The following C10orf143 variants were observed in gnomAD, a reference collection of about 807,000 sequenced individuals.
C10orf143 encodes the protein uncharacterized protein C10orf143.
chr10:130,047,176 A>G (rs1213671674), intron 3 of C10orf143, among the ~76,000 whole-genome samples: 1 of 152,204 alleles, frequency 6.6e-6, no homozygotes, highest in Non-Finnish European at 1.5e-5. Flanking sequence ...TGGCGGATGC[A>G]CTGGGTGCAT....
intron 1 of C10orf143, among the ~76,000 whole-genome samples, chr10:130,091,572 G>A (rs1008325052): frequency 6.6e-6 from 1 of 152,322 alleles, no homozygotes; most frequent in South Asian, 2.1e-4. Context: ...TGAGTTTGAT[G>A]AGTCAACAGA....
chr10:130,097,015 C>T (rs1003100), intron 1 of C10orf143, among the ~76,000 whole-genome samples: 86,261 of 149,314 alleles, frequency 0.58, 26,291 homozygotes, highest in Admixed American at 0.7. Flanking sequence ...GGCTGGAGTG[C>T]AGTGGCGTGA....
In C10orf143 at chr10:130,064,263, C is replaced by T; in HGVS notation, c.*91G>A. On this transcript the variant is annotated 3_prime_UTR_variant, in exon 4 of 4. Coordinates refer to ENST00000637128, the MANE Select transcript of C10orf143 (RefSeq NM_001355042.2). Reference sequence around the variant, plus strand: ...CGGGCTGCTATTTGAACAGGTAAGTCCCCAAACCCATCTGTAGGAGATTCA... The same window carrying T: ...CGGGCTGCTATTTGAACAGGTAAGTTCCCAAACCCATCTGTAGGAGATTCA... 2.5e-6 allele frequency: 1 copy of T among 397,520 alleles called. No homozygotes were observed. Among genetic ancestry groups the T allele is most frequent in the Non-Finnish European group, 4.4e-6 (1 of 225,454 alleles). 24.6% of individuals were successfully genotyped at this position (397,520 alleles called of 1,614,324 possible).
intron 1 of C10orf143, chr10:130,104,681 C>T (rs576089642): frequency 1.2e-4 from 18 of 152,270 alleles, no homozygotes; most frequent in African/African-American, 4.1e-4. Context: ...TACACCATGC[C>T]AATAAGATAC....
At chr10:130,093,287 A>C (rs1323843209) in intron 1 of C10orf143, among the ~76,000 whole-genome samples, 2 of 152,234 alleles carry the variant, frequency 1.3e-5, no homozygotes, top group Admixed American at 1.3e-4. Context: ...ACTACATGGA[A>C]ACTGAACAAC....
intron 3 of C10orf143, among the ~76,000 whole-genome samples, chr10:130,037,892 A>G (rs193206212): frequency 1.2e-4 from 19 of 152,292 alleles, no homozygotes; most frequent in Admixed American, 3.9e-4. Context: ...ATATTGCGGC[A>G]GGTTAGAAGT....
intron 1 of C10orf143, among the ~76,000 whole-genome samples, chr10:130,105,556 C>T (rs2134817439): frequency 6.6e-6 from 1 of 152,122 alleles, no homozygotes; most frequent in African/African-American, 2.4e-5. Flanking sequence ...CATGGTGAAA[C>T]CTCATCTCTA....
chr10:130,052,229 G>A (rs960229011), intron 3 of C10orf143, among the ~76,000 whole-genome samples: 1 of 151,800 alleles, frequency 6.6e-6, no homozygotes, highest in South Asian at 2.1e-4. Context: ...GAACCTGGAC[G>A]GGAGCCCGAT....
chr10:130,041,192 G>A (rs1234014259), intron 3 of C10orf143, among the ~76,000 whole-genome samples: 10 of 152,244 alleles, frequency 6.6e-5, no homozygotes, highest in African/African-American at 2.4e-4. Flanking sequence ...GCAAAGCAGC[G>A]AGCACCTAAA....
rs887439333 is a variant in C10orf143 at position 130,079,895 on chromosome 10, C to T, written c.76G>A (p.Val26Ile). Residue 26 changes from valine to isoleucine, a missense_variant, in exon 2 of 4, where the codon GTA becomes ATA. By Grantham distance (29) the Val-to-Ile change is conservative. Coordinates refer to ENST00000637128, the MANE Select transcript of C10orf143 (RefSeq NM_001355042.2). ...DLQVPGDVKR[V>I]CRRLEASGHE... Reference sequence around the variant, plus strand: ...CCACTGGCTTCTAATCTCCTGCATACCCGTTTCTGAAACAAACAAAATTTT... The same window carrying T: ...CCACTGGCTTCTAATCTCCTGCATATCCGTTTCTGAAACAAACAAAATTTT... The T allele has an allele frequency of 4.3e-5, 17 of 398,516 alleles. No homozygotes were observed. Among genetic ancestry groups the T allele is most frequent in the African/African-American group, 3.1e-4 (15 of 48,622 alleles). 24.7% of individuals were successfully genotyped at this position (398,516 alleles called of 1,614,324 possible). A position where few individuals can be genotyped will look rare whatever the true frequency, so the allele number is the denominator to read the frequency against.
chr10:130,060,714 T>G (rs1020872592), downstream of C10orf143, among the ~76,000 whole-genome samples: 1 of 148,092 alleles, frequency 6.8e-6, no homozygotes, highest in Non-Finnish European at 1.5e-5. Flanking sequence ...GTCCCAGCTA[T>G]CGGGAGGCTG....
intron 1 of C10orf143, among the ~76,000 whole-genome samples, chr10:130,101,879 A>C (rs1246933620): frequency 2.7e-5 from 4 of 149,198 alleles, no homozygotes; most frequent in East Asian, 4.0e-4. Flanking sequence ...AAAAAAAAAA[A>C]AAAAAACTTT....
intron 3 of C10orf143, among the ~76,000 whole-genome samples, chr10:130,077,584 C>T (rs371773414): frequency 9.2e-5 from 14 of 152,334 alleles, no homozygotes; most frequent in Non-Finnish European, 1.9e-4. Context: ...CACGTGTAAG[C>T]AGGCATTTGT....
intron 3 of C10orf143, among the ~76,000 whole-genome samples, chr10:130,046,761 C>G (rs891125911): frequency 6.6e-6 from 1 of 152,204 alleles, no homozygotes; most frequent in Non-Finnish European, 1.5e-5. Flanking sequence ...TCGCCCACGC[C>G]GCCCGCTCAC....
chr10:130,110,632 C>T, intron 1 of C10orf143, 72 bp downstream of exon 1: 3 of 398,420 alleles, frequency 7.5e-6, no homozygotes, highest in Non-Finnish European at 1.3e-5. Context: ...CCGGCAAAAA[C>T]GAGGCGCGGT....
At chr10:130,082,065 G>C (rs1861218469) in intron 1 of C10orf143, among the ~76,000 whole-genome samples, 1 of 151,890 alleles carries the variant, frequency 6.6e-6, no homozygotes, top group Admixed American at 6.6e-5. Context: ...CACACAAGGA[G>C]ACAAACAGAC....
At chr10:130,108,592 A>T (rs1166517654) in intron 1 of C10orf143, 1 of 553,190 alleles carries the variant, frequency 1.8e-6, no homozygotes, top group Non-Finnish European at 3.3e-6. Context: ...GTAAATAAGG[A>T]TGATTTAAAT....
chr10:130,058,580 ATTT>A (rs5789009), intron 3 of C10orf143, among the ~76,000 whole-genome samples: 19 of 144,116 alleles, frequency 1.3e-4, no homozygotes, highest in African/African-American at 4.6e-4. Context: ...TTTAAACAGC[ATTT>A]TTTTTTTTTT....
chr10:130,092,942 G>T (rs1343129100), intron 1 of C10orf143, among the ~76,000 whole-genome samples: 4 of 152,142 alleles, frequency 2.6e-5, no homozygotes, highest in Admixed American at 6.5e-5. Context: ...CCTACAAAGA[G>T]ATTTAGACTC....
Sources: gnomAD v4.1 joint callset for allele counts (sites outside exome capture counted in the v4.1 genomes callset) on GRCh38, gnomAD v4.1.1 for gene constraint, MANE v1.5 for transcripts, NCBI Gene and HGNC (gene_info 2026-07-23, HGNC 2026-07-21) for gene names.